The following DLG2 variants were observed in gnomAD, a reference collection of about 807,000 sequenced individuals.
DLG2 encodes disks large homolog 2.
A neutral mutation model predicts 132.5 loss-of-function variants in DLG2; 45 were observed. The observed-to-expected ratio is 0.34, with a 90% confidence interval of 0.27 to 0.44. DLG2 has a LOEUF of 0.44. Among genes scored for constraint, DLG2 ranks in the 20% least tolerant of loss-of-function variants. The probability of loss-of-function intolerance (pLI) is 1.00; values close to 1 mark genes in which losing one functional copy is unlikely to be tolerated. For missense variants in DLG2, 1,045 were observed against 1,196.9 expected, an observed-to-expected ratio of 0.87 and a Z score of 1.87; for synonymous variants, 424 against 419.6, an observed-to-expected ratio of 1.01 and a Z score of -0.13.
chr11:85,286,011 T>C (rs2078530743), intron 3 of DLG2: 1 of 355,998 alleles, frequency 2.8e-6, no homozygotes, highest in Non-Finnish European at 5.4e-6. Flanking sequence ...CAAGATGAAA[T>C]GCAGACTGTT....
In DLG2 at chr11:83,639,231, C is replaced by T. The variant is rs1354286140; in HGVS notation, c.1826-5906G>A. Among the ~76,000 whole-genome samples the T allele has an allele frequency of 4.6e-5, 7 of 152,244 alleles. No individual in the cohort carries two copies. In the South Asian group the frequency reaches 1.2e-3, roughly 27 times the overall value. On this transcript the variant is annotated intron_variant, in intron 18 of 27. Coordinates refer to ENST00000376104, the MANE Select transcript of DLG2 (RefSeq NM_001142699.3). ...GTGAGATGGTGGGCAGCATGCCCCT[C>T]GATCAGTCACGACCTCATCCAGGGG...
intron 19 of DLG2, among the ~76,000 whole-genome samples, chr11:83,619,311 T>C (rs1310217103): frequency 2.6e-5 from 4 of 152,186 alleles, no homozygotes; most frequent in Non-Finnish European, 5.9e-5. Context: ...CCAAAACTTA[T>C]AGAACTTGCT....
At chr11:85,571,805 T>C (rs945546122) in intron 3 of DLG2, among the ~76,000 whole-genome samples, 35 of 152,228 alleles carry the variant, frequency 2.3e-4, no homozygotes, top group Admixed American at 1.2e-3. Flanking sequence ...ATAAATGCTT[T>C]TGACTAATGT....
chr11:84,691,455 A>G (rs2058031310), intron 6 of DLG2, among the ~76,000 whole-genome samples: 1 of 151,836 alleles, frequency 6.6e-6, no homozygotes, highest in Non-Finnish European at 1.5e-5. Flanking sequence ...GTAGAAAAAA[A>G]TTTTAGTAAC....
At chr11:85,238,774 AGT>A (rs2075729585) in intron 4 of DLG2, among the ~76,000 whole-genome samples, 1 of 152,028 alleles carries the variant, frequency 6.6e-6, no homozygotes, top group Non-Finnish European at 1.5e-5. Flanking sequence ...TTTTGCAAAA[AGT>A]TCAAGGTTTT....
At chr11:84,722,486 T>C (rs1405650721) in intron 6 of DLG2, among the ~76,000 whole-genome samples, 2 of 152,132 alleles carry the variant, frequency 1.3e-5, no homozygotes, top group Non-Finnish European at 2.9e-5. Context: ...CCCACCCATA[T>C]CCAAAATACT....
chr11:85,164,951 C>T (rs1304551565), intron 4 of DLG2, among the ~76,000 whole-genome samples: 2 of 152,138 alleles, frequency 1.3e-5, no homozygotes, highest in African/African-American at 4.8e-5. Context: ...CCCACAATGT[C>T]TTAGCAAGAT....
rs113001853 is a variant in DLG2 at position 85,512,812 on chromosome 11, T to C, written c.40+85845A>G. Among the ~76,000 whole-genome samples the C allele has an allele frequency of 1.8e-3, 276 of 152,156 alleles. 1 individual carries two copies. Among genetic ancestry groups the C allele is most frequent in the African/African-American group, 6.4e-3 (266 of 41,556 alleles). On this transcript the variant is annotated intron_variant, in intron 3 of 27. Transcript: ENST00000376104. ...TCTCAAAGAACTGAAAATGAAATTA[T>C]CATTCGACCCAGCAATCCCATTACT...
In DLG2 at chr11:84,842,976, C is replaced by T. The variant is rs145697878; in HGVS notation, c.357+268685G>A. On this transcript the variant is annotated intron_variant, in intron 6 of 27. Transcript: ENST00000376104. ...GATATATTCCTACCAGTTATCTTGACTTCATAGTAAGAACAAAGAATACTG... is the reference window on the plus strand; with the variant it reads ...GATATATTCCTACCAGTTATCTTGATTTCATAGTAAGAACAAAGAATACTG... Among the ~76,000 whole-genome samples the T allele has an allele frequency of 9.2e-5, 14 of 151,952 alleles. No homozygotes were observed. The East Asian group carries it at 2.7e-3, about 30-fold the overall frequency.
chr11:84,036,682 A>G (rs895035886), intron 11 of DLG2, among the ~76,000 whole-genome samples: 4 of 152,180 alleles, frequency 2.6e-5, no homozygotes, highest in Admixed American at 6.6e-5. Flanking sequence ...AGAAAAAATT[A>G]TAAGAAAATC....
intron 6 of DLG2, among the ~76,000 whole-genome samples, chr11:84,665,183 T>A (rs2099698601): frequency 6.6e-6 from 1 of 152,108 alleles, no homozygotes; most frequent in African/African-American, 2.4e-5. Context: ...ATTTTAAGTA[T>A]GTTTGTTATC....
chr11:83,627,861 C>T (rs550202687), intron 19 of DLG2, among the ~76,000 whole-genome samples: 168 of 152,318 alleles, frequency 1.1e-3, no homozygotes, highest in African/African-American at 3.7e-3. Flanking sequence ...TTCTCCACAT[C>T]CTCTCCAGCA....
At chr11:83,500,145 T>C (rs1490258690) in intron 21 of DLG2, among the ~76,000 whole-genome samples, 1 of 151,952 alleles carries the variant, frequency 6.6e-6, no homozygotes, top group African/African-American at 2.4e-5. Flanking sequence ...CTTAGTAACT[T>C]AGAAATCTCT....
chr11:84,253,601 G>T (rs571618622), intron 7 of DLG2, among the ~76,000 whole-genome samples: 2 of 152,182 alleles, frequency 1.3e-5, no homozygotes, highest in South Asian at 4.2e-4. Flanking sequence ...TTAGATTGTG[G>T]TTCTAAAACA....
At position 84,543,720 on chromosome 11, in the gene DLG2, C is replaced by G. The variant is rs146909726; in HGVS notation, c.358-8989G>C. On this transcript the variant is annotated intron_variant, in intron 6 of 27. Coordinates refer to ENST00000376104, the MANE Select transcript of DLG2 (RefSeq NM_001142699.3). ...TAGCAATATGGCTTGCCCAAAGAACCCTTGAAAGAGGAATTTTTCCAGTTT... is the reference window on the plus strand; with the variant it reads ...TAGCAATATGGCTTGCCCAAAGAACGCTTGAAAGAGGAATTTTTCCAGTTT... Among the ~76,000 whole-genome samples, 50 of 152,126 alleles carry G rather than the reference C, an allele frequency of 3.3e-4. No individual in the cohort carries two copies. The East Asian group carries it at 7.9e-3, about 24-fold the overall frequency.
At chr11:84,842,470 G>A (rs2080819395) in intron 6 of DLG2, among the ~76,000 whole-genome samples, 1 of 151,974 alleles carries the variant, frequency 6.6e-6, no homozygotes, top group African/African-American at 2.4e-5. Flanking sequence ...GCAGGGTGAT[G>A]TCAAAGAAAT....
chr11:85,285,520 A>G (rs1461359762), intron 3 of DLG2, among the ~76,000 whole-genome samples, 155 bp from the exon 4 acceptor site: 1 of 152,068 alleles, frequency 6.6e-6, no homozygotes, highest in Non-Finnish European at 1.5e-5. Flanking sequence ...AATCCTGAAA[A>G]TTATCTTTTT....
At chr11:83,514,315 A>G (rs1249483810) in intron 21 of DLG2, among the ~76,000 whole-genome samples, 1 of 152,056 alleles carries the variant, frequency 6.6e-6, no homozygotes, top group Non-Finnish European at 1.5e-5. Flanking sequence ...TTCACTCATG[A>G]TTTGGCTCTC....
At position 85,419,036 on chromosome 11, in the gene DLG2, G is replaced by T. The variant is rs2090089925; in HGVS notation, c.41-133671C>A. ...TAGTGTCGATGGTATTTACAATTTG[G>T]TATGTTTTTGCAGTGGCTTGTACTG... On this transcript the variant is annotated intron_variant, in intron 3 of 27. Transcript: ENST00000376104. Among the ~76,000 whole-genome samples the T allele has an allele frequency of 2.6e-5, 4 of 152,140 alleles. No homozygotes were observed. The South Asian group carries it at 6.2e-4, about 24-fold the overall frequency.
Sources: allele counts gnomAD v4.1 joint callset (sites outside exome capture counted in the v4.1 genomes callset), GRCh38; gene constraint gnomAD v4.1.1; transcripts MANE v1.5; gene names NCBI Gene and HGNC (gene_info 2026-07-23, HGNC 2026-07-21).